DNAH10: variants seen among roughly 807,000 people sequenced by gnomAD.
DNAH10 encodes the protein dynein axonemal heavy chain 10.
A neutral mutation model predicts 506.6 loss-of-function variants in DNAH10; 348 were observed. The observed-to-expected ratio is 0.69, with a 90% CI of 0.63 to 0.75. DNAH10 has a LOEUF of 0.75. Among genes scored for constraint, DNAH10 ranks in the 30% least tolerant of loss-of-function variants. DNAH10 has a pLI of 0.00. For synonymous variants in DNAH10, 2,059 were observed against 2,198.6 expected, an observed-to-expected ratio of 0.94 and a Z score of 1.78; for missense variants, 5,179 against 5,787.1, an observed-to-expected ratio of 0.89 and a Z score of 3.41.
chr12:123,859,736 T>C (rs375116787), intron 38 of DNAH10, among the ~76,000 whole-genome samples: 4 of 152,088 alleles, frequency 2.6e-5, no homozygotes, highest in Non-Finnish European at 5.9e-5. Flanking sequence ...CACTCCCACA[T>C]TGAAGATCGT....
Position 123,887,143 on chromosome 12 carries a change from T to G in DNAH10, c.8825T>G (p.Val2942Gly). 3 of 1,603,598 alleles carry G rather than the reference T, an allele frequency of 1.9e-6. No homozygotes were observed. Among genetic ancestry groups the G allele is most frequent in the Non-Finnish European group, 2.6e-6 (3 of 1,175,154 alleles). ...RLAAFTASCE[V>G]FEILLSRGYS... ...ATGTGCTCTGTGTCTGCATCGCAGG[T>G]GTTTGAGATCCTGCTGAGCCGAGGC... The change falls in exon 52 of 79, where the codon GTG (valine) becomes GGG (glycine). Residue 2942 changes from valine (V) to glycine (G), a missense_variant and splice_region_variant. By Grantham distance (109) the Val-to-Gly change is moderately radical. Around this residue, in one of 3 missense-constraint regions of DNAH10, gnomAD observed 4,844 missense variants for 5,430.5 expected, o/e 0.89. Coordinates refer to ENST00000673944, the MANE Select transcript of DNAH10 (RefSeq NM_001372106.1).
chr12:123,910,120 A>G (rs1382221952), intron 58 of DNAH10, among the ~76,000 whole-genome samples: 1 of 152,242 alleles, frequency 6.6e-6, no homozygotes. Context: ...GACCCCAACC[A>G]CTACAAAAAC....
At position 123,875,298 on chromosome 12, in the gene DNAH10, A is replaced by T; in HGVS notation, c.8006A>T (p.Tyr2669Phe). The T allele has an allele frequency of 6.2e-7, 1 of 1,613,442 alleles. No individual in the cohort carries two copies. The highest frequency in any genetic ancestry group is 1.7e-5 in the Admixed American group (1 of 59,918). The change falls in exon 47 of 79, where the codon TAT (tyrosine) becomes TTT (phenylalanine). Residue 2669 changes from tyrosine (Y) to phenylalanine (F), a missense_variant. Transcript: ENST00000673944. ...LKLLLEKGYL[Y>F]DRGKELNCKS... is the part of the protein sequence containing the mutation. ...CTGCTGTTGGAAAAAGGCTACTTAT[A>T]TGACCGTGGGAAGGAGCTGAACTGT... is the stretch of plus-strand genomic sequence containing the variant.
chr12:123,771,871 C>G (rs921779784), intron 3 of DNAH10, among the ~76,000 whole-genome samples, 173 bp downstream of exon 3: 43 of 152,194 alleles, frequency 2.8e-4, no homozygotes, highest in African/African-American at 1.0e-3. Flanking sequence ...CTCACAGGAC[C>G]CAGAAAATCT....
chr12:123,885,191 A>T (rs1160970635), intron 51 of DNAH10, among the ~76,000 whole-genome samples: 1 of 152,218 alleles, frequency 6.6e-6, no homozygotes, highest in Non-Finnish European at 1.5e-5. Context: ...GAAGTCAGGG[A>T]CCATATGTGC....
intron 51 of DNAH10, among the ~76,000 whole-genome samples, 174 bp from the exon 52 acceptor site, chr12:123,886,968 C>G (rs556530380): frequency 6.6e-6 from 1 of 152,308 alleles, no homozygotes; most frequent in African/African-American, 2.4e-5. Flanking sequence ...GGGGCTTCCC[C>G]CTCCTCTGTT....
At chr12:123,865,822 A>C in intron 40 of DNAH10, 129 bp from the exon 41 acceptor site, 1 of 860,734 alleles carries the variant, frequency 1.2e-6, no homozygotes, top group Non-Finnish European at 1.6e-6. Flanking sequence ...AGCTCATGGA[A>C]GCTGTGTTGA....
In DNAH10 at chr12:123,813,614, C is replaced by T; in HGVS notation, c.3595C>T (p.Leu1199Phe). 1 of 1,614,162 alleles carries T rather than the reference C, an allele frequency of 6.2e-7. No homozygotes were observed. Among genetic ancestry groups the T allele is most frequent in the Non-Finnish European group, 8.5e-7 (1 of 1,180,022 alleles). ...TCTCAATGAGTCAGCAAAAGAGGAG[C>T]TCTATAATCTCCATGAAGAGATGGA... ...KLLNESAKEE[L>F]YNLHEEMEHL... Residue 1199 changes from leucine to phenylalanine, a missense_variant, in exon 20 of 79, where the codon CTC (leucine) becomes TTC (phenylalanine). Around this residue, in one of 3 missense-constraint regions of DNAH10, gnomAD observed 4,844 missense variants for 5,430.5 expected, o/e 0.89. Transcript: ENST00000673944.
At chr12:123,781,499 TCTGTTGCC>T (rs1957648640) in intron 6 of DNAH10, among the ~76,000 whole-genome samples, 200 bp downstream of exon 6, 1 of 152,090 alleles carries the variant, frequency 6.6e-6, no homozygotes, top group South Asian at 2.1e-4. Context: ...AGAGCCTCAC[TCTGTTGCC>T]CAGGCTGGAG....
intron 77 of DNAH10, chr12:123,934,295 A>G (rs1458819089): frequency 4.3e-6 from 3 of 690,590 alleles, no homozygotes; most frequent in African/African-American, 3.5e-5. Context: ...GGGACCATGC[A>G]TCTTTCTAGC....
chr12:123,935,134 A>G (rs1955432379), intron 78 of DNAH10: 1 of 643,080 alleles, frequency 1.6e-6, no homozygotes, highest in South Asian at 2.1e-5. Context: ...GCCAGGACCC[A>G]CTTTTAACCA....
At chr12:123,898,545 A>G (rs1218972919) in intron 55 of DNAH10, 108 bp from the exon 56 acceptor site, 2 of 1,347,504 alleles carry the variant, frequency 1.5e-6, no homozygotes, top group Middle Eastern at 1.9e-4. Flanking sequence ...GCCATCTTGT[A>G]AAAATGTTTT....
rs148847976 is a variant in DNAH10, at chr12:123,816,942, T to C, written c.3781-2008T>C. ...TTCAGTTGCTCCGTCTCCTTACAAA[T>C]ACTTAGTTTGTTGATCTTTTGGAAA... On this transcript the variant is annotated intron_variant, in intron 21 of 78. Coordinates refer to ENST00000673944, the MANE Select transcript of DNAH10 (RefSeq NM_001372106.1). Among the ~76,000 whole-genome samples the C allele has an allele frequency of 1.1e-3, 165 of 152,324 alleles. 1 individual carries two copies. The highest frequency in any genetic ancestry group is 3.1e-3 in the African/African-American group (129 of 41,572).
chr12:123,796,656 A>G lies in DNAH10; in HGVS notation c.1987A>G (p.Ile663Val). 1 of 1,600,808 alleles carries G rather than the reference A, an allele frequency of 6.2e-7. No homozygotes were observed. The highest frequency in any genetic ancestry group is 8.5e-7 in the Non-Finnish European group (1 of 1,173,792). Residue 663 changes from isoleucine to valine, a missense_variant and splice_region_variant, in exon 13 of 79, where the codon ATT becomes GTT. Physicochemically the swap from Ile to Val is conservative, Grantham distance 29 (BLOSUM62 3). Transcript: ENST00000673944. The part of the protein sequence containing the change: ...NDILAQYCKE[I>V]DIINKIFVQN... ...CAGAAGCTGTTTGATTGCTTTTCAG[A>G]TTGACATCATTAATAAAATCTTTGT...
In DNAH10 at chr12:123,902,839, C is replaced by G; in HGVS notation, c.9641-100C>G. 1.4e-6 allele frequency: 2 copies of G among 1,420,486 alleles called. No individual in the cohort carries two copies. The highest frequency in any genetic ancestry group is 1.9e-6 in the Non-Finnish European group (2 of 1,069,862). The allele number at this position is 1,420,486 out of a possible 1,614,324, so 88.0% of individuals were successfully genotyped here. ...AGAGCCCCTTAGATCCCCGCTAGGG[C>G]TCAAGCCAACCTTTGAGGACTGCAC... On this transcript the variant is annotated intron_variant, in intron 56 of 78. Coordinates refer to ENST00000673944, the MANE Select transcript of DNAH10 (RefSeq NM_001372106.1). The surrounding 1 kb of genome is among the most constrained non-coding windows in gnomAD (Gnocchi z 4.5).
chr12:123,929,489 C>A lies in DNAH10; in HGVS notation c.12516+5C>A, dbSNP rs775937881. The A allele has an allele frequency of 2.5e-6, 4 of 1,611,636 alleles. No individual in the cohort carries two copies. The highest frequency in any genetic ancestry group is 3.4e-6 in the Non-Finnish European group (4 of 1,179,008). On this transcript the variant is annotated splice_donor_5th_base_variant and intron_variant, in intron 71 of 78. Transcript: ENST00000673944. ...TTCAATGAGTCTGACTTCCAGGTGA[C>A]AGTGGCTGCTTCTCCTTGGAAATGG...
At position 123,764,937 on chromosome 12, in the gene DNAH10, C is replaced by T. The variant is rs567615445; in HGVS notation, c.214+2387C>T. Among the ~76,000 whole-genome samples, 18 of 152,214 alleles carry T rather than the reference C, an allele frequency of 1.2e-4. No homozygotes were observed. The South Asian group carries it at 2.7e-3, about 23-fold the overall frequency. On this transcript the variant is annotated intron_variant, in intron 1 of 78. Coordinates refer to ENST00000673944, the MANE Select transcript of DNAH10 (RefSeq NM_001372106.1). ...AAGAGACCTCATCCCCAACTCCACA[C>T]GTTGTCACTCACTCTCTGCTTGTTA...
chr12:123,804,225 G>T (rs1042139798), intron 17 of DNAH10, among the ~76,000 whole-genome samples: 4 of 151,658 alleles, frequency 2.6e-5, no homozygotes, highest in African/African-American at 9.7e-5. Flanking sequence ...ACATTTACTT[G>T]CTAAAGAAAG....
intron 49 of DNAH10, 62 bp downstream of exon 49, chr12:123,879,419 A>G: frequency 2.6e-6 from 4 of 1,536,762 alleles, no homozygotes; most frequent in African/African-American, 1.4e-5. Flanking sequence ...AAGCGCCAAA[A>G]GTGTTTTTTA....
Sources: gnomAD v4.1 joint callset for allele counts (sites outside exome capture counted in the v4.1 genomes callset) on GRCh38, gnomAD v4.1.1 for gene constraint, gnomAD v4.1.1 regional missense constraint, Gnocchi (gnomAD v3.1) non-coding constraint, MANE v1.5 for transcripts, NCBI Gene and HGNC (gene_info 2026-07-23, HGNC 2026-07-21) for gene names.